VEPH1: variants seen among roughly 807,000 people sequenced by gnomAD.
VEPH1 encodes ventricular zone-expressed PH domain-containing protein homolog 1.
A neutral mutation model predicts 85.2 loss-of-function variants in VEPH1; 80 were observed. The observed-to-expected ratio is 0.94, with a 90% confidence interval of 0.78 to 1.13. VEPH1 has a LOEUF of 1.13. Among genes scored for constraint, VEPH1 ranks in the 50% most tolerant of loss-of-function variants. VEPH1 has a pLI of 0.00. For synonymous variants in VEPH1, 297 were observed against 348.0 expected, an observed-to-expected ratio of 0.85 and a Z score of 1.63; for missense variants, 955 against 980.5, an observed-to-expected ratio of 0.97 and a Z score of 0.35.
At chr3:157,409,956 G>T (rs1212493214) in intron 6 of VEPH1, 1 of 982,490 alleles carries the variant, frequency 1.0e-6, no homozygotes, top group Non-Finnish European at 1.2e-6. Context: ...GTCATAGATT[G>T]TATATTATAT....
intron 2 of VEPH1, among the ~76,000 whole-genome samples, chr3:157,486,500 A>G (rs1738663489): frequency 6.6e-6 from 1 of 151,490 alleles, no homozygotes; most frequent in African/African-American, 2.4e-5. Flanking sequence ...AAAAAAAAAA[A>G]GAGGCAGCAT....
intron 9 of VEPH1, among the ~76,000 whole-genome samples, chr3:157,339,367 C>T (rs570758294): frequency 6.6e-6 from 1 of 152,184 alleles, no homozygotes; most frequent in African/African-American, 2.4e-5. Flanking sequence ...GGGAAGGCCT[C>T]TGCTGGCTGC....
In VEPH1 at chr3:157,484,357, C is replaced by T. The variant is rs528376777; in HGVS notation, c.138+10855G>A. On this transcript the variant is annotated intron_variant, in intron 2 of 13. Transcript: ENST00000362010. Reference sequence around the variant, plus strand: ...CCCAGGCTGGAGTACAGTGGCTCCTCAGAGGTGCAATTATAGCATGCTGCA... The same window carrying T: ...CCCAGGCTGGAGTACAGTGGCTCCTTAGAGGTGCAATTATAGCATGCTGCA... Among the ~76,000 whole-genome samples, 55 of 152,206 alleles carry T rather than the reference C, an allele frequency of 3.6e-4. No homozygotes were observed. The South Asian group carries it at 9.1e-3, about 25-fold the overall frequency.
intron 2 of VEPH1, among the ~76,000 whole-genome samples, chr3:157,482,903 G>A (rs1456268769): frequency 3.3e-5 from 5 of 152,018 alleles, no homozygotes; most frequent in African/African-American, 7.2e-5. Flanking sequence ...TATCTGCAGT[G>A]TTTTCTAGGT....
At chr3:157,265,711 T>C in intron 12 of VEPH1, 49 bp from the exon 13 acceptor site, 1 of 1,596,738 alleles carries the variant, frequency 6.3e-7, no homozygotes, top group South Asian at 1.1e-5. Context: ...CAATATTTAC[T>C]AGGTAGGTGA....
chr3:157,359,164 T>C (rs1725771344), intron 9 of VEPH1, among the ~76,000 whole-genome samples: 1 of 152,236 alleles, frequency 6.6e-6, no homozygotes, highest in South Asian at 2.1e-4. Flanking sequence ...GTAACATTGA[T>C]AGGTTCTTGT....
At chr3:157,294,969 A>G (rs1297907779) in intron 11 of VEPH1, among the ~76,000 whole-genome samples, 2 of 152,158 alleles carry the variant, frequency 1.3e-5, no homozygotes. Context: ...GGGTTTATTT[A>G]CATTCTAAAG....
At chr3:157,265,720 G>T (rs1713550172) in intron 12 of VEPH1, 58 bp from the exon 13 acceptor site, 8 of 1,585,696 alleles carry the variant, frequency 5.0e-6, no homozygotes, top group South Asian at 1.1e-5. Flanking sequence ...CTAGGTAGGT[G>T]ATCAAAAGTC....
intron 4 of VEPH1, chr3:157,437,916 TAAG>T: frequency 6.5e-7 from 1 of 1,526,966 alleles, no homozygotes; most frequent in Non-Finnish European, 8.7e-7. Context: ...TGCCGGCAGG[TAAG>T]GAGGCAAGCG....
intron 9 of VEPH1, among the ~76,000 whole-genome samples, chr3:157,337,197 A>G (rs1034762787): frequency 1.3e-5 from 2 of 151,768 alleles, no homozygotes; most frequent in African/African-American, 2.4e-5. Flanking sequence ...TTTTAAATAA[A>G]GGTATTAATC....
intron 4 of VEPH1, among the ~76,000 whole-genome samples, chr3:157,443,847 T>C (rs1367572897): frequency 6.6e-6 from 1 of 152,196 alleles, no homozygotes; most frequent in Admixed American, 6.5e-5. Context: ...ATTGATGAAA[T>C]AAGAATCTCT....
At chr3:157,381,618 C>A in intron 6 of VEPH1, 1 of 498,690 alleles carries the variant, frequency 2.0e-6, no homozygotes, top group Non-Finnish European at 3.6e-6. Flanking sequence ...ACTTGAGAGG[C>A]TGAGGCACGA....
chr3:157,415,232 T>A (rs1184909065), intron 5 of VEPH1: 2 of 152,162 alleles, frequency 1.3e-5, no homozygotes, highest in Non-Finnish European at 2.9e-5. Flanking sequence ...ATTAATTCAC[T>A]CATTCACAAA....
chr3:157,472,448 T>C (rs1475431041), intron 2 of VEPH1, among the ~76,000 whole-genome samples: 1 of 152,252 alleles, frequency 6.6e-6, no homozygotes, highest in Non-Finnish European at 1.5e-5. Context: ...GGCTGTCTTT[T>C]CTGTCTGCCA....
intron 9 of VEPH1, among the ~76,000 whole-genome samples, chr3:157,344,720 C>G (rs1724000740): frequency 6.6e-6 from 1 of 152,174 alleles, no homozygotes; most frequent in African/African-American, 2.4e-5. Flanking sequence ...ATTGCCAAGA[C>G]AGTCCTAAGC....
chr3:157,273,088 G>A lies in VEPH1; in HGVS notation c.2129-7426C>T, dbSNP rs1416438297. ...CCTTTTATCTCCTGGCGGTGGAATT[G>A]ACTAGAAATGAATAAGATGCCCCCA... On this transcript the variant is annotated intron_variant, in intron 12 of 13. Transcript: ENST00000362010. Among the ~76,000 whole-genome samples the A allele has an allele frequency of 2.0e-5, 3 of 152,320 alleles. No individual in the cohort carries two copies. The East Asian group carries it at 5.8e-4, about 29-fold the overall frequency.
intron 6 of VEPH1, among the ~76,000 whole-genome samples, chr3:157,408,011 G>A (rs995865649): frequency 9.9e-5 from 15 of 152,104 alleles, no homozygotes; most frequent in Admixed American, 6.6e-4. Flanking sequence ...TAGTCACCGT[G>A]TTACTTTTGC....
At chr3:157,288,463 A>T (rs1259066418) in intron 11 of VEPH1, among the ~76,000 whole-genome samples, 2 of 152,236 alleles carry the variant, frequency 1.3e-5, no homozygotes, top group Non-Finnish European at 2.9e-5. Flanking sequence ...AGAGGTAAGA[A>T]GTATGTCCAA....
At chr3:157,280,474 A>G (rs867285094) in intron 12 of VEPH1, among the ~76,000 whole-genome samples, 1 of 152,194 alleles carries the variant, frequency 6.6e-6, no homozygotes, top group Non-Finnish European at 1.5e-5. Context: ...GAGGAGTAGG[A>G]AAGTGATGCT....
Sources: allele counts gnomAD v4.1 joint callset (sites outside exome capture counted in the v4.1 genomes callset), GRCh38; gene constraint gnomAD v4.1.1; transcripts MANE v1.5; gene names NCBI Gene and HGNC (gene_info 2026-07-23, HGNC 2026-07-21).